HIVEP3: variants seen among roughly 807,000 people sequenced by gnomAD.
The protein encoded by HIVEP3 is HIVEP zinc finger 3, also known as transcription factor HIVEP3.
Under a neutral mutation model 152.8 loss-of-function variants are expected in HIVEP3, and 49 were observed. The observed-to-expected ratio is 0.32, with a 90% CI of 0.26 to 0.41. HIVEP3 has a LOEUF of 0.41. HIVEP3 is among the 10% of genes least tolerant of loss of function. The pLI is 1.00. For missense variants in HIVEP3, 2,790 were observed against 3,103.3 expected (o/e 0.90, Z 2.40); for synonymous variants, 1,269 against 1,289.0 (o/e 0.98, Z 0.33).
At chr1:41,546,504 G>T in intron 5 of HIVEP3, among the ~76,000 whole-genome samples, 1 of 152,230 alleles carries the variant, frequency 6.6e-6, no homozygotes, top group East Asian at 1.9e-4. Flanking sequence ...GTTTCTAAGT[G>T]AGGAGCCCCC....
At chr1:41,818,153 T>C (rs1317700313) in intron 1 of HIVEP3, among the ~76,000 whole-genome samples, 3 of 152,144 alleles carry the variant, frequency 2.0e-5, no homozygotes, top group African/African-American at 7.2e-5. Flanking sequence ...ATTTAAAAAA[T>C]GGCAAAGCAT....
intron 2 of HIVEP3, among the ~76,000 whole-genome samples, chr1:41,663,307 C>T (rs1469673949): frequency 6.6e-6 from 1 of 152,196 alleles, no homozygotes; most frequent in East Asian, 1.9e-4. Context: ...GACAATGGAG[C>T]TGGGGGTCGG....
At chr1:41,610,417 T>C (rs749223260) in intron 3 of HIVEP3, among the ~76,000 whole-genome samples, 4 of 152,232 alleles carry the variant, frequency 2.6e-5, no homozygotes, top group Non-Finnish European at 4.4e-5. Context: ...CATTCACCAT[T>C]ACATCCCTAG....
intron 1 of HIVEP3, among the ~76,000 whole-genome samples, chr1:41,722,587 T>A (rs1383456581): frequency 7.4e-6 from 1 of 134,694 alleles, no homozygotes; most frequent in Admixed American, 8.0e-5. Flanking sequence ...CTTTCTTCCC[T>A]CCACTTTTAG....
At chr1:41,900,055 G>A (rs1198113002) in intron 1 of HIVEP3, among the ~76,000 whole-genome samples, 2 of 150,418 alleles carry the variant, frequency 1.3e-5, no homozygotes, top group Non-Finnish European at 3.0e-5. Flanking sequence ...ATTCTGAAGG[G>A]AAAAAAAAAT....
rs1287766370 is a variant in HIVEP3 at position 41,583,135 on chromosome 1, G to A, written c.1663C>T (p.His555Tyr). ...SAACTISTPH[H>Y]PFRGSYSFDD... ...AAGGAGTAGCTACCTCGGAAGGGGTGGTGGGGGGTGCTGATAGTGCAGGCG... is the reference window on the plus strand; with the variant it reads ...AAGGAGTAGCTACCTCGGAAGGGGTAGTGGGGGGTGCTGATAGTGCAGGCG... The change falls in exon 4 of 9, where the codon CAC (histidine) becomes TAC (tyrosine). Residue 555 changes from histidine to tyrosine, a missense_variant. This residue lies in a region of HIVEP3 where 339 missense variants were observed against 327.0 expected (regional missense o/e 1.04). Transcript: ENST00000372583. This position sits in a 1 kb window ranked among gnomAD's most constrained non-coding sequence, Gnocchi z 6.9. 6.2e-7 allele frequency: 1 copy of A among 1,613,410 alleles called. No individual in the cohort carries two copies. Among genetic ancestry groups the A allele is most frequent in the East Asian group, 2.2e-5 (1 of 44,872 alleles).
chr1:41,974,978 G>A (rs961836973), intron 1 of HIVEP3, among the ~76,000 whole-genome samples: 15 of 152,290 alleles, frequency 9.8e-5, no homozygotes, highest in African/African-American at 3.1e-4. Context: ...TCTCAGCTGA[G>A]TCCATTTCTG....
chr1:41,877,901 A>C (rs1032713907), intron 1 of HIVEP3, among the ~76,000 whole-genome samples: 1 of 152,194 alleles, frequency 6.6e-6, no homozygotes, highest in Admixed American at 6.5e-5. Context: ...CAGATAATCT[A>C]AATCAGGTAA....
At position 41,996,945 on chromosome 1, in the gene HIVEP3, C is replaced by T. The variant is rs2124521337; in HGVS notation, n.119+38862G>A. On this transcript the variant is annotated intron_variant and non_coding_transcript_variant, in intron 1 of 3. Transcript: ENST00000489103. ...CACATCTTCGAATCTCTCTCTGGCC[C>T]TGAAACTCTTGTCTGTGTCTTATGA... Among the ~76,000 whole-genome samples the T allele has an allele frequency of 2.0e-5, 3 of 152,322 alleles. No homozygotes were observed. In the South Asian group the frequency reaches 6.2e-4, roughly 32 times the overall value.
chr1:41,649,062 C>T (rs78927801), intron 2 of HIVEP3, among the ~76,000 whole-genome samples: 17,128 of 152,118 alleles, frequency 0.11, 1,184 homozygotes, highest in African/African-American at 0.19. Flanking sequence ...ATTAGGATCA[C>T]GGGTAACAGA....
chr1:41,649,740 C>A (rs1235083950), intron 2 of HIVEP3, among the ~76,000 whole-genome samples: 1 of 152,114 alleles, frequency 6.6e-6, no homozygotes, highest in African/African-American at 2.4e-5. Flanking sequence ...GAGACGGAGT[C>A]CCCTGGGGAT....
At chr1:41,678,678 T>C (rs1016307212) in intron 2 of HIVEP3, among the ~76,000 whole-genome samples, 38 of 152,128 alleles carry the variant, frequency 2.5e-4, no homozygotes, top group Admixed American at 1.8e-3. Context: ...CCCTTGGGCC[T>C]GAGCCCACCA....
rs1168626227 is a variant in HIVEP3 at position 41,582,386 on chromosome 1, G to A, written c.2412C>T (p.Ser804=). The A allele has an allele frequency of 6.2e-7, 1 of 1,614,094 alleles. No individual in the cohort carries two copies. The highest frequency in any genetic ancestry group is 1.7e-5 in the Admixed American group (1 of 60,010). The change falls in exon 4 of 9, where the codon AGC becomes AGT. Residue 804 remains serine, a synonymous_variant. Coordinates refer to ENST00000372583, the MANE Select transcript of HIVEP3 (RefSeq NM_024503.5). The surrounding 1 kb of genome is among the most constrained non-coding windows in gnomAD (Gnocchi z 4.7). ...SKEISVIQHT[S]SFEKSDSLEQ... The stretch of plus-strand genomic sequence containing the variant: ...CGAGAGAATCAGATTTCTCAAAGGA[G>A]CTGGTGTGCTGGATGACAGAAATTT...
chr1:41,826,471 T>G (rs1642807062), intron 1 of HIVEP3, among the ~76,000 whole-genome samples: 1 of 152,180 alleles, frequency 6.6e-6, no homozygotes, highest in Non-Finnish European at 1.5e-5. Flanking sequence ...TGGAGTGCAA[T>G]GGCACAATCT....
At chr1:41,919,078 A>C (rs985565601), upstream of HIVEP3, among the ~76,000 whole-genome samples, 4 of 152,244 alleles carry the variant, frequency 2.6e-5, no homozygotes, top group Non-Finnish European at 5.9e-5. Context: ...GCTTTTTAAA[A>C]AACAACATAT....
chr1:41,915,711 C>T (rs184904307), intron 1 of HIVEP3, among the ~76,000 whole-genome samples: 2 of 152,208 alleles, frequency 1.3e-5, no homozygotes, highest in Non-Finnish European at 2.9e-5. Flanking sequence ...TAGCATGTTA[C>T]TAAACGTATC....
chr1:41,977,872 C>G (rs1050323406), intron 1 of HIVEP3, among the ~76,000 whole-genome samples: 6 of 152,218 alleles, frequency 3.9e-5, no homozygotes, highest in African/African-American at 1.4e-4. Context: ...GATGCTTCAG[C>G]TCTAGAGTCA....
In HIVEP3 at chr1:41,615,091, G is replaced by C. The variant is rs147111647; in HGVS notation, c.-522+13658C>G. Among the ~76,000 whole-genome samples, 107 of 152,300 alleles carry C rather than the reference G, an allele frequency of 7.0e-4. 1 individual carries two copies. The highest frequency in any genetic ancestry group is 8.8e-5 in the Non-Finnish European group (6 of 68,024). ...GTGACCACCGTTACAAGTTTTCTCA[G>C]AAATAATGCCATCGTATTGTATTGC... On this transcript the variant is annotated intron_variant, in intron 3 of 8. Transcript: ENST00000372583.
In HIVEP3 at chr1:41,583,835, G is replaced by A. The variant is rs372735229; in HGVS notation, c.963C>T (p.His321=). 384 of 1,607,384 alleles carry A rather than the reference G, an allele frequency of 2.4e-4. No homozygotes were observed. Among genetic ancestry groups the A allele is most frequent in the Non-Finnish European group, 3.1e-4 (364 of 1,176,402 alleles). ...TGGACTGGGACAGGGAACAGCGTTC[G>A]TGGCTGGAACTGTGGCTCCCAGAGC... is the stretch of plus-strand genomic sequence containing the variant. ...LYSSGSHSSS[H]ERCSLSQSST... Residue 321 remains histidine (H), a synonymous_variant, in exon 4 of 9, where the codon CAC becomes CAT. Coordinates refer to ENST00000372583, the MANE Select transcript of HIVEP3 (RefSeq NM_024503.5). This position sits in a 1 kb window ranked among gnomAD's most constrained non-coding sequence, Gnocchi z 6.9.
Sources: gnomAD v4.1 joint callset for allele counts (sites outside exome capture counted in the v4.1 genomes callset) on GRCh38, gnomAD v4.1.1 for gene constraint, gnomAD v4.1.1 regional missense constraint, Gnocchi (gnomAD v3.1) non-coding constraint, MANE v1.5 for transcripts, NCBI Gene and HGNC (gene_info 2026-07-23, HGNC 2026-07-21) for gene names.